ALDH16A1: variants seen among roughly 807,000 people sequenced by gnomAD.
ALDH16A1 encodes the protein aldehyde dehydrogenase 16 family member A1, also known as aldehyde dehydrogenase family 16 member A1.
A neutral mutation model predicts 96.1 loss-of-function variants in ALDH16A1; 88 were observed. The ratio of observed to expected loss-of-function variants is 0.92; its 90% confidence interval spans 0.77 to 1.09. The LOEUF (loss-of-function observed/expected upper bound fraction) is 1.09, where lower values mean the gene tolerates loss of function less well. Ranked by LOEUF, ALDH16A1 falls within the 50% of genes least tolerant of loss-of-function variation. The pLI is 0.00. For missense variants in ALDH16A1, 1,250 were observed against 1,112.6 expected (o/e 1.12, Z -1.76); for synonymous variants, 522 against 496.4 (o/e 1.05, Z -0.69).
At chr19:49,464,596 GC>G (rs747393130) in intron 11 of ALDH16A1, 35 bp from the exon 12 acceptor site, 1 of 1,613,806 alleles carries the variant, frequency 6.2e-7, no homozygotes, top group East Asian at 2.2e-5. Context: ...GGCCTCGCGT[GC>G]CCCTTGCATC....
In ALDH16A1 at chr19:49,470,376, G is replaced by A. The variant is rs138322243; in HGVS notation, c.2318G>A (p.Arg773Gln). ...KPVWASRGCP[R>Q]AWDQEAEGAG... ...GTGTGGGCGAGCAGGGGCTGCCCGCGGGCCTGGGACCAGGAGGCCGAGGGG... is the reference window on the plus strand; with the variant it reads ...GTGTGGGCGAGCAGGGGCTGCCCGCAGGCCTGGGACCAGGAGGCCGAGGGG... The change falls in exon 17 of 17, where the codon CGG becomes CAG. Residue 773 changes from arginine to glutamine, a missense_variant. Physicochemically the swap from Arg to Gln is conservative, Grantham distance 43. Coordinates refer to ENST00000293350, the MANE Select transcript of ALDH16A1 (RefSeq NM_153329.4). 16 of 1,612,870 alleles carry A rather than the reference G, an allele frequency of 9.9e-6. No homozygotes were observed. The highest frequency in any genetic ancestry group is 5.0e-5 in the Admixed American group (3 of 59,942).
intron 1 of ALDH16A1, among the ~76,000 whole-genome samples, chr19:49,456,009 G>A (rs1234205814): frequency 6.6e-6 from 1 of 152,168 alleles, no homozygotes; most frequent in Non-Finnish European, 1.5e-5. Flanking sequence ...AAAGTCATCT[G>A]GGACCAATAG....
intron 4 of ALDH16A1, 94 bp from the exon 5 acceptor site, chr19:49,460,728 T>C: frequency 1.9e-6 from 2 of 1,037,996 alleles, no homozygotes; most frequent in Non-Finnish European, 2.8e-6. Flanking sequence ...TTTTTTTTTT[T>C]TCCTAATGTA....
chr19:49,462,070 TG>T, intron 7 of ALDH16A1, 34 bp downstream of exon 7: 1 of 1,506,238 alleles, frequency 6.6e-7, no homozygotes. Context: ...CCTCATACCC[TG>T]GAGGCCGTTG....
chr19:49,455,969 G>A (rs528775327), intron 1 of ALDH16A1, among the ~76,000 whole-genome samples: 11 of 152,190 alleles, frequency 7.2e-5, no homozygotes, highest in African/African-American at 2.6e-4. Flanking sequence ...ATTCCAAAAT[G>A]TGTCAACATT....
rs2079219444 is a variant in ALDH16A1 at position 49,468,593 on chromosome 19, C to T, written c.2124+27C>T. On this transcript the variant is annotated intron_variant, in intron 15 of 16. Transcript: ENST00000293350. The surrounding 1 kb of genome is among the most constrained non-coding windows in gnomAD (Gnocchi z 4.4). ...TATAGCCCCCTGCCTTCCTGCCTCT[C>T]CTCCCCGTAGCCTCAGGGCAGCAGA... The T allele has an allele frequency of 6.3e-7, 1 of 1,598,438 alleles. No individual in the cohort carries two copies.
chr19:49,462,028 C>T lies in ALDH16A1; in HGVS notation c.904C>T (p.Arg302Cys), dbSNP rs1421940999. The T allele has an allele frequency of 5.8e-6, 9 of 1,541,330 alleles. No homozygotes were observed. Among genetic ancestry groups the T allele is most frequent in the Non-Finnish European group, 7.0e-6 (8 of 1,147,792 alleles). ...TGTCGTGGACGCCGCCTGGTCCGAC[C>T]GCGGCCCGGTGAGACCCGTGCGCTC... is the stretch of plus-strand genomic sequence containing the variant. ...EGVVDAAWSD[R>C]GPGGLRLLIQ... The change falls in exon 7 of 17, where the codon CGC (arginine) becomes TGC (cysteine). Residue 302 changes from arginine to cysteine, a missense_variant. By Grantham distance (180) the Arg-to-Cys change is radical (BLOSUM62 -3). Transcript: ENST00000293350.
Position 49,466,414 on chromosome 19 carries a change from G to A in ALDH16A1, c.1938+131G>A, listed in dbSNP as rs1018591032. On this transcript the variant is annotated intron_variant, in intron 14 of 16. Coordinates refer to ENST00000293350, the MANE Select transcript of ALDH16A1 (RefSeq NM_153329.4). The stretch of plus-strand genomic sequence containing the variant: ...TTCCACGGCAGGATCATCAGCAAGT[G>A]GCTTCACCTCTCCCTACCTCAGTTC... The A allele has an allele frequency of 3.1e-6, 3 of 981,212 alleles. No homozygotes were observed. In the East Asian group the frequency reaches 8.5e-5, roughly 28 times the overall value. 60.8% of individuals were successfully genotyped at this position (981,212 alleles called of 1,614,324 possible).
rs1376086042 is a variant in ALDH16A1, at chr19:49,468,446, T to C, written c.2004T>C (p.Cys668=). ...CGCTGGGTGTGCTGGCTGTGGTGTG[T>C]CCGGACGAGTGGCCCCTGCTTGCCT... ...REPLGVLAVV[C]PDEWPLLAFV... The change falls in exon 15 of 17, where the codon TGT becomes TGC. Residue 668 remains cysteine (C), a synonymous_variant. Transcript: ENST00000293350. The surrounding 1 kb of genome is among the most constrained non-coding windows in gnomAD (Gnocchi z 4.4). 1 of 1,601,514 alleles carries C rather than the reference T, an allele frequency of 6.2e-7. No homozygotes were observed. The highest frequency in any genetic ancestry group is 1.1e-5 in the South Asian group (1 of 91,042).
intron 5 of ALDH16A1, 40 bp from the exon 6 acceptor site, chr19:49,461,579 G>GA (rs1555799498): frequency 6.8e-7 from 1 of 1,463,252 alleles, no homozygotes; most frequent in Non-Finnish European, 9.0e-7. Context: ...GAGGGGCTGG[G>GA]CCTGGACTCC....
rs1173567461 is a variant in ALDH16A1, at chr19:49,460,734, A to G, written c.500-88A>G. On this transcript the variant is annotated intron_variant, in intron 4 of 16. Transcript: ENST00000293350. ...CGGCCATTTTTTTTTTTTTTTCCTA[A>G]TGTAGCCATGGGGTCTTGCCATGTG... is the stretch of plus-strand genomic sequence containing the variant. The G allele has an allele frequency of 3.8e-6, 4 of 1,056,272 alleles. No homozygotes were observed. The East Asian group carries it at 1.0e-4, about 27-fold the overall frequency. 65.4% of individuals were successfully genotyped at this position (1,056,272 alleles called of 1,614,324 possible). A position where few individuals can be genotyped will look rare whatever the true frequency, so the allele number is the denominator to read the frequency against.
At chr19:49,465,000 C>T (rs1292234559) in intron 12 of ALDH16A1, among the ~76,000 whole-genome samples, 2 of 152,238 alleles carry the variant, frequency 1.3e-5, no homozygotes, top group African/African-American at 4.8e-5. Context: ...TGGGGTCCCC[C>T]AGAGGTTCAC....
rs1365484804 is a variant in ALDH16A1, at chr19:49,461,698, C to T, written c.657C>T (p.Pro219=). ...LLAQLAGELG[P]FPGILNVLSG... is the part of the protein sequence containing the mutation. Reference sequence around the variant, plus strand: ...CCCAGCTGGCGGGGGAGCTGGGCCCCTTCCCGGGAATCCTGAATGTCCTCA... The same window carrying T: ...CCCAGCTGGCGGGGGAGCTGGGCCCTTTCCCGGGAATCCTGAATGTCCTCA... Residue 219 remains proline, a synonymous_variant, in exon 6 of 17, where the codon CCC becomes CCT. Transcript: ENST00000293350. 2 of 1,608,992 alleles carry T rather than the reference C, an allele frequency of 1.2e-6. No individual in the cohort carries two copies. The highest frequency in any genetic ancestry group is 1.7e-6 in the Non-Finnish European group (2 of 1,177,914).
At chr19:49,465,671 C>G (rs1237978152) in intron 12 of ALDH16A1, 67 bp from the exon 13 acceptor site, 2 of 1,519,432 alleles carry the variant, frequency 1.3e-6, no homozygotes, top group Admixed American at 2.0e-5. Context: ...CTTCCCAGTG[C>G]GGTAGAGCAT....
chr19:49,462,259 C>T (rs1202452340), intron 7 of ALDH16A1, among the ~76,000 whole-genome samples: 2 of 127,476 alleles, frequency 1.6e-5, no homozygotes, highest in East Asian at 2.1e-4. Flanking sequence ...CTCAGCCTCC[C>T]GAGTAGCTGG....
At chr19:49,469,097 A>G (rs2079224017) in intron 16 of ALDH16A1, 111 bp downstream of exon 16, 1 of 1,446,604 alleles carries the variant, frequency 6.9e-7, no homozygotes, top group Admixed American at 2.2e-5. Context: ...AAGGGGAGAA[A>G]CTCCTTGACA....
At position 49,465,779 on chromosome 19, in the gene ALDH16A1, A is replaced by G. The variant is rs759812286; in HGVS notation, c.1610A>G (p.Gln537Arg). Residue 537 changes from glutamine to arginine, a missense_variant, in exon 13 of 17, where the codon CAG (glutamine) becomes CGG (arginine). By Grantham distance (43) the Gln-to-Arg change is conservative. Transcript: ENST00000293350. ...PYGLFVGGRFQAPGARSSRPI... is the reference protein window; with the variant it reads ...PYGLFVGGRFRAPGARSSRPI... ...GGGCTCTTCGTTGGGGGCCGTTTCCAGGCTCCTGGGGCCCGAAGCTCCAGG... is the reference window on the plus strand; with the variant it reads ...GGGCTCTTCGTTGGGGGCCGTTTCCGGGCTCCTGGGGCCCGAAGCTCCAGG... The G allele has an allele frequency of 1.9e-6, 3 of 1,614,012 alleles. No individual in the cohort carries two copies. The highest frequency in any genetic ancestry group is 2.5e-6 in the Non-Finnish European group (3 of 1,179,950).
chr19:49,459,041 G>T lies in ALDH16A1; in HGVS notation c.275G>T (p.Gly92Val), dbSNP rs2079121995. ...AVEAARMAFK[G>V]WSAHPGVVRA... ...GAGGCAGCCAGGATGGCATTTAAGG[G>T]CTGGAGTGCGCACCCCGGCGTCGTC... Residue 92 changes from glycine (G) to valine (V), a missense_variant, in exon 3 of 17, where the codon GGC becomes GTC. Transcript: ENST00000293350. The surrounding 1 kb of genome is among the most constrained non-coding windows in gnomAD (Gnocchi z 4.1). 1.2e-6 allele frequency: 2 copies of T among 1,613,376 alleles called. No homozygotes were observed. Among genetic ancestry groups the T allele is most frequent in the South Asian group, 1.1e-5 (1 of 91,086 alleles).
intron 16 of ALDH16A1, 123 bp from the exon 17 acceptor site, chr19:49,470,183 T>C (rs1037086145): frequency 1.1e-5 from 13 of 1,197,082 alleles, no homozygotes; most frequent in Non-Finnish European, 1.3e-5. Context: ...AGCTGGGCAT[T>C]GTAGCTGCAG....
Sources: allele counts gnomAD v4.1 joint callset (sites outside exome capture counted in the v4.1 genomes callset), GRCh38; gene constraint gnomAD v4.1.1; non-coding constraint Gnocchi (gnomAD v3.1); transcripts MANE v1.5; gene names NCBI Gene and HGNC (gene_info 2026-07-23, HGNC 2026-07-21).